FAM110A: variants seen among roughly 807,000 people sequenced by gnomAD.
FAM110A encodes the protein protein FAM110A.
FAM110A carries 1 observed loss-of-function variant against 4.0 expected under a neutral mutation model. That is an observed-to-expected ratio of 0.25 (90% CI 0.09 to 1.20). FAM110A has a LOEUF of 1.20. FAM110A is among the 50% of genes most tolerant of loss of function. FAM110A has a pLI of 0.50. For synonymous variants in FAM110A, 217 were observed against 196.8 expected, an observed-to-expected ratio of 1.10 and a Z score of -0.86; for missense variants, 436 against 429.2, an observed-to-expected ratio of 1.02 and a Z score of -0.14.
chr20:836,253 G>GGGGT (rs1979568523), intron 1 of FAM110A: 1 of 143,350 alleles, frequency 7.0e-6, no homozygotes, highest in African/African-American at 2.6e-5. Context: ...TTTTGGGGGG[G>GGGGT]GGGGTGGGGT....
At chr20:836,721 C>T (rs778844635) in intron 1 of FAM110A, among the ~76,000 whole-genome samples, 1 of 152,144 alleles carries the variant, frequency 6.6e-6, no homozygotes, top group Non-Finnish European at 1.5e-5. Flanking sequence ...GGTATACACT[C>T]AGAAGTGGAA....
intron 1 of FAM110A, among the ~76,000 whole-genome samples, chr20:843,873 T>G (rs1468348430): frequency 6.6e-6 from 1 of 152,232 alleles, no homozygotes; most frequent in Non-Finnish European, 1.5e-5. Context: ...GATGCCTCCA[T>G]GCAGGGCTGT....
At chr20:841,083 A>G (rs990832614) in intron 1 of FAM110A, among the ~76,000 whole-genome samples, 2 of 152,096 alleles carry the variant, frequency 1.3e-5, no homozygotes, top group African/African-American at 4.8e-5. Context: ...CTCCCGGAAG[A>G]ACTTCCCTGG....
Position 840,836 on chromosome 20 carries a change from C to A in FAM110A, c.-97-3872C>A, listed in dbSNP as rs187591032. ...CTCAGCCTCTCTCAGCCTCAGTTTACCATTAGTCAAATGGGGTAACAATAG... is the reference window on the plus strand; with the variant it reads ...CTCAGCCTCTCTCAGCCTCAGTTTAACATTAGTCAAATGGGGTAACAATAG... On this transcript the variant is annotated intron_variant, in intron 1 of 1. Transcript: ENST00000381941. This position sits in a 1 kb window ranked among gnomAD's most constrained non-coding sequence, Gnocchi z 4.4. Among the ~76,000 whole-genome samples the A allele has an allele frequency of 6.6e-6, 1 of 152,290 alleles. No individual in the cohort carries two copies. Among genetic ancestry groups the A allele is most frequent in the East Asian group, 1.9e-4 (1 of 5,176 alleles).
Position 844,803 on chromosome 20 carries a change from C to T in FAM110A, c.-2C>T, listed in dbSNP as rs1397380965. On this transcript the variant is annotated 5_prime_UTR_variant, in exon 2 of 2. Coordinates refer to ENST00000381941, the MANE Select transcript of FAM110A (RefSeq NM_001042353.3). Reference sequence around the variant, plus strand: ...CTAAAGCCCTCGGGATATGCAGCAGCCATGCCTGTGCACACGCTGAGCCCC... The same window carrying T: ...CTAAAGCCCTCGGGATATGCAGCAGTCATGCCTGTGCACACGCTGAGCCCC... 5.4e-6 allele frequency: 8 copies of T among 1,476,232 alleles called. No individual in the cohort carries two copies. The African/African-American group carries it at 7.1e-5, about 13-fold the overall frequency. 91.4% of individuals were successfully genotyped at this position (1,476,232 alleles called of 1,614,324 possible).
Position 844,712 on chromosome 20 carries a change from G to A in FAM110A, c.-93G>A. On this transcript the variant is annotated 5_prime_UTR_variant, in exon 2 of 2. Transcript: ENST00000381941. ...TTTCTCTCTCCTTCCCTGCAGCAGT[G>A]GCCGGTGTCCAGCTGCCTACTTTCT... The A allele has an allele frequency of 7.5e-7, 1 of 1,328,224 alleles. No individual in the cohort carries two copies. 82.3% of individuals were successfully genotyped at this position (1,328,224 alleles called of 1,614,324 possible).
chr20:845,294 G>T lies in FAM110A; in HGVS notation c.490G>T (p.Ala164Ser), dbSNP rs902587732. ...CGTCCGCCCCCTGCCCGCCTCGCCT[G>T]CCCGGCCCTGCCCATCACCCGGCCC... ...VDVRPLPASP[A>S]RPCPSPGPAA... is the part of the protein sequence containing the mutation. Residue 164 changes from alanine (A) to serine (S), a missense_variant, in exon 2 of 2, where the codon GCC becomes TCC. Transcript: ENST00000381941. 3 of 1,519,764 alleles carry T rather than the reference G, an allele frequency of 2.0e-6. No homozygotes were observed. The East Asian group carries it at 7.6e-5, about 38-fold the overall frequency. The allele number at this position is 1,519,764 out of a possible 1,614,324, so 94.1% of individuals were successfully genotyped here.
In FAM110A at chr20:845,583, C is replaced by T. The variant is rs771846980; in HGVS notation, c.779C>T (p.Ala260Val). 1 of 1,613,898 alleles carries T rather than the reference C, an allele frequency of 6.2e-7. No individual in the cohort carries two copies. Among genetic ancestry groups the T allele is most frequent in the Non-Finnish European group, 8.5e-7 (1 of 1,179,968 alleles). Residue 260 changes from alanine (A) to valine (V), a missense_variant, in exon 2 of 2, where the codon GCC becomes GTC. Physicochemically the swap from Ala to Val is moderately conservative, Grantham distance 64 (BLOSUM62 0). Coordinates refer to ENST00000381941, the MANE Select transcript of FAM110A (RefSeq NM_001042353.3). ...RRSSVTVEER[A>V]RERVPYGVSV... ...AGCTCGGTGACTGTTGAGGAGCGGG[C>T]CCGGGAGCGCGTTCCCTATGGCGTG... is the stretch of plus-strand genomic sequence containing the variant.
At position 839,774 on chromosome 20, in the gene FAM110A, G is replaced by T. The variant is rs1173194444; in HGVS notation, c.-97-4934G>T. 12 of 1,487,280 alleles carry T rather than the reference G, an allele frequency of 8.1e-6. No homozygotes were observed. In the East Asian group the frequency reaches 2.5e-4, roughly 31 times the overall value. The allele number at this position is 1,487,280 out of a possible 1,614,324, so 92.1% of individuals were successfully genotyped here. On this transcript the variant is annotated intron_variant, in intron 1 of 1. Transcript: ENST00000381941. Reference sequence around the variant, plus strand: ...GGCTACCCTCATTGGTAAGGTACCAGTAGAAATGTCTCCAGGCAAACTGTT... The same window carrying T: ...GGCTACCCTCATTGGTAAGGTACCATTAGAAATGTCTCCAGGCAAACTGTT...
At position 844,969 on chromosome 20, in the gene FAM110A, G is replaced by T; in HGVS notation, c.165G>T (p.Lys55Asn). ...RLEADKAKYV[K>N]SLHVANTRQE... ...AGGCCGACAAGGCCAAGTACGTCAA[G>T]AGCCTGCACGTGGCCAACACCCGCC... is the stretch of plus-strand genomic sequence containing the variant. The change falls in exon 2 of 2, where the codon AAG (lysine) becomes AAT (asparagine). Residue 55 changes from lysine to asparagine, a missense_variant. By Grantham distance (94) the Lys-to-Asn change is moderately conservative. Coordinates refer to ENST00000381941, the MANE Select transcript of FAM110A (RefSeq NM_001042353.3). The T allele has an allele frequency of 6.3e-7, 1 of 1,595,912 alleles. No individual in the cohort carries two copies. The highest frequency in any genetic ancestry group is 8.5e-7 in the Non-Finnish European group (1 of 1,172,056).
Position 844,810 on chromosome 20 carries a change from T to C in FAM110A, c.6T>C (p.Pro2=). The C allele has an allele frequency of 6.7e-7, 1 of 1,487,026 alleles. No homozygotes were observed. The highest frequency in any genetic ancestry group is 2.3e-5 in the Admixed American group (1 of 43,182). 92.1% of individuals were successfully genotyped at this position (1,487,026 alleles called of 1,614,324 possible). A position where few individuals can be genotyped will look rare whatever the true frequency, so the allele number is the denominator to read the frequency against. The part of the protein sequence containing the change: M[P]VHTLSPGAPS... ...CCTCGGGATATGCAGCAGCCATGCC[T>C]GTGCACACGCTGAGCCCCGGAGCCC... is the stretch of plus-strand genomic sequence containing the variant. Residue 2 remains proline, a synonymous_variant, in exon 2 of 2, where the codon CCT becomes CCC. Transcript: ENST00000381941.
At chr20:835,182 CTCTCTCTCTCTCTCTCTCTA>C (rs1979504425) in intron 1 of FAM110A, among the ~76,000 whole-genome samples, 1 of 144,518 alleles carries the variant, frequency 6.9e-6, no homozygotes, top group Admixed American at 6.9e-5. Context: ...CTCTCTCTCT[CTCTCTCTCTCTCTCTCTCTA>C]TATATATATA....
intron 1 of FAM110A, among the ~76,000 whole-genome samples, chr20:844,091 C>T (rs1568788110): frequency 6.6e-6 from 1 of 152,146 alleles, no homozygotes; most frequent in African/African-American, 2.4e-5. Context: ...CATGTCTAGG[C>T]GGGTGGATGG....
rs1014147833 is a variant in FAM110A at position 845,212 on chromosome 20, T to G, written c.408T>G (p.Pro136=). ...TPGRAEGAGR[P]PPATPPRPPP... ...GACGGGCCGAGGGAGCCGGCCGTCC[T>G]CCCCCAGCCACCCCTCCGCGACCGC... The change falls in exon 2 of 2, where the codon CCT becomes CCG. Residue 136 remains proline, a synonymous_variant. Coordinates refer to ENST00000381941, the MANE Select transcript of FAM110A (RefSeq NM_001042353.3). 3.2e-6 allele frequency: 5 copies of G among 1,546,494 alleles called. No individual in the cohort carries two copies. The highest frequency in any genetic ancestry group is 3.9e-5 in the Admixed American group (2 of 51,890).
chr20:844,530 G>A (rs1001497506), intron 1 of FAM110A, among the ~76,000 whole-genome samples, 178 bp from the exon 2 acceptor site: 2 of 151,976 alleles, frequency 1.3e-5, no homozygotes, highest in African/African-American at 4.8e-5. Flanking sequence ...GAGGGAGGGG[G>A]TGTGGGTGGG....
Position 834,815 on chromosome 20 carries a change from G to C in FAM110A, c.-98+864G>C, listed in dbSNP as rs1427921476. Among the ~76,000 whole-genome samples, 1 of 152,142 alleles carries C rather than the reference G, an allele frequency of 6.6e-6. No individual in the cohort carries two copies. The highest frequency in any genetic ancestry group is 2.4e-5 in the African/African-American group (1 of 41,408). The stretch of plus-strand genomic sequence containing the variant: ...GAGAGTCTTCAATCTCTTCATAAGG[G>C]AGTTACATATCCTCTCTCCTCTGGA... On this transcript the variant is annotated intron_variant, in intron 1 of 1. Coordinates refer to ENST00000381941, the MANE Select transcript of FAM110A (RefSeq NM_001042353.3). This position sits in a 1 kb window ranked among gnomAD's most constrained non-coding sequence, Gnocchi z 5.6.
Position 834,754 on chromosome 20 carries a change from A to G in FAM110A, c.-98+803A>G, listed in dbSNP as rs1339415205. Among the ~76,000 whole-genome samples the G allele has an allele frequency of 6.6e-6, 1 of 152,190 alleles. No individual in the cohort carries two copies. Among genetic ancestry groups the G allele is most frequent in the Non-Finnish European group, 1.5e-5 (1 of 68,030 alleles). On this transcript the variant is annotated intron_variant, in intron 1 of 1. Coordinates refer to ENST00000381941, the MANE Select transcript of FAM110A (RefSeq NM_001042353.3). This position sits in a 1 kb window ranked among gnomAD's most constrained non-coding sequence, Gnocchi z 5.6. ...TTAGCTCCTAGTCCCTCTGGCTTCAATCTTAGAATCCTTGACACACAGAAT... is the reference window on the plus strand; with the variant it reads ...TTAGCTCCTAGTCCCTCTGGCTTCAGTCTTAGAATCCTTGACACACAGAAT...
intron 1 of FAM110A, chr20:841,438 G>C (rs1017997165): frequency 6.6e-6 from 1 of 152,334 alleles, no homozygotes; most frequent in African/African-American, 2.4e-5. Context: ...GGACCGCGGG[G>C]ATGGTGCCGC....
Position 844,987 on chromosome 20 carries a change from C to T in FAM110A, c.183C>T (p.Asn61=), listed in dbSNP as rs781102126. 3.8e-6 allele frequency: 6 copies of T among 1,594,924 alleles called. No homozygotes were observed. The highest frequency in any genetic ancestry group is 4.3e-6 in the Non-Finnish European group (5 of 1,171,594). Residue 61 remains asparagine, a synonymous_variant, in exon 2 of 2, where the codon AAC becomes AAT. Transcript: ENST00000381941. ...ACGTCAAGAGCCTGCACGTGGCCAA[C>T]ACCCGCCAGGAGCCTGTGCAGCCCC... ...AKYVKSLHVA[N]TRQEPVQPLL... is the part of the protein sequence containing the mutation.
Sources: allele counts gnomAD v4.1 joint callset (sites outside exome capture counted in the v4.1 genomes callset), GRCh38; gene constraint gnomAD v4.1.1; non-coding constraint Gnocchi (gnomAD v3.1); transcripts MANE v1.5; gene names NCBI Gene and HGNC (gene_info 2026-07-23, HGNC 2026-07-21).